RNF13: variants seen among roughly 807,000 people sequenced by gnomAD.
RNF13 encodes ring finger protein 13.
Under a neutral mutation model 37.7 loss-of-function variants are expected in RNF13, and 19 were observed. The observed-to-expected ratio is 0.50, with a 90% CI of 0.35 to 0.74. The LOEUF (loss-of-function observed/expected upper bound fraction) is 0.74. RNF13 is among the 30% of genes least tolerant of loss of function. The probability of loss-of-function intolerance (pLI) is 0.01; values close to 1 mark genes in which losing one functional copy is unlikely to be tolerated. For missense variants in RNF13, 375 were observed against 453.0 expected, an observed-to-expected ratio of 0.83 and a Z score of 1.56; for synonymous variants, 144 against 157.8, an observed-to-expected ratio of 0.91 and a Z score of 0.65.
chr3:149,939,869 C>T (rs1417890792), intron 8 of RNF13: 8 of 440,140 alleles, frequency 1.8e-5, no homozygotes, highest in Non-Finnish European at 3.4e-5. Context: ...AGAGAACAGC[C>T]GCGCAGGATG....
chr3:149,921,918 A>T (rs1352919262), intron 8 of RNF13, among the ~76,000 whole-genome samples: 2 of 152,108 alleles, frequency 1.3e-5, no homozygotes, highest in African/African-American at 4.8e-5. Context: ...ACCCACCAAC[A>T]GTGTAAAAGT....
At chr3:149,849,240 C>G (rs1023922166) in intron 2 of RNF13, among the ~76,000 whole-genome samples, 2 of 152,046 alleles carry the variant, frequency 1.3e-5, no homozygotes, top group Admixed American at 1.3e-4. Context: ...TGAGTAGTGC[C>G]CATGATTTTA....
At chr3:149,957,767 C>T (rs549634452) in intron 8 of RNF13, among the ~76,000 whole-genome samples, 7 of 152,254 alleles carry the variant, frequency 4.6e-5, no homozygotes, top group African/African-American at 1.7e-4. Flanking sequence ...AACCCTAATA[C>T]ATAATTATGT....
At chr3:149,891,716 G>A (rs1448400971) in intron 4 of RNF13, among the ~76,000 whole-genome samples, 1 of 152,106 alleles carries the variant, frequency 6.6e-6, no homozygotes, top group Non-Finnish European at 1.5e-5. Context: ...TTTGGTGGCT[G>A]TTTTGGATTT....
At chr3:149,911,168 C>A (rs918603793) in intron 6 of RNF13, among the ~76,000 whole-genome samples, 1 of 152,054 alleles carries the variant, frequency 6.6e-6, no homozygotes, top group Admixed American at 6.6e-5. Context: ...TCCATTGTAC[C>A]TGATACAACA....
chr3:149,858,659 A>T (rs542958151), intron 3 of RNF13, among the ~76,000 whole-genome samples: 1 of 152,280 alleles, frequency 6.6e-6, no homozygotes, highest in Non-Finnish European at 1.5e-5. Flanking sequence ...GTTGAAGAGG[A>T]AGAAGATAGA....
Position 149,877,111 on chromosome 3 carries a change from C to G in RNF13, c.321+4957C>G, listed in dbSNP as rs1344788779. On this transcript the variant is annotated intron_variant, in intron 4 of 9. Coordinates refer to ENST00000392894, the MANE Select transcript of RNF13 (RefSeq NM_183381.3). ...TTTTATATACTATTTAATCCCACAT[C>G]AGTCTCTGTTTCTCTCTGTGAGAGA... 3.9e-5 allele frequency among the ~76,000 whole-genome samples: 6 copies of G among 152,106 alleles called. No homozygotes were observed. In the East Asian group the frequency reaches 1.2e-3, roughly 29 times the overall value.
intron 8 of RNF13, among the ~76,000 whole-genome samples, chr3:149,943,803 CTTTT>C (rs939250677): frequency 1.3e-5 from 2 of 150,884 alleles, no homozygotes; most frequent in Non-Finnish European, 3.0e-5. Flanking sequence ...ATACTGTGTT[CTTTT>C]GTCTTTTTTT....
At chr3:149,949,741 T>C (rs909778620) in intron 8 of RNF13, among the ~76,000 whole-genome samples, 1 of 151,236 alleles carries the variant, frequency 6.6e-6, no homozygotes, top group African/African-American at 2.4e-5. Context: ...TTTTTTTTTT[T>C]CTTCTCTTCA....
intron 8 of RNF13, among the ~76,000 whole-genome samples, chr3:149,949,728 CTT>C (rs796954637): frequency 2.1e-5 from 3 of 142,916 alleles, no homozygotes; most frequent in Admixed American, 7.0e-5. Flanking sequence ...TTCCTTCATT[CTT>C]TTTTTTTTTT....
At chr3:149,912,222 A>G in intron 7 of RNF13, 139 bp downstream of exon 7, 1 of 518,742 alleles carries the variant, frequency 1.9e-6, no homozygotes, top group Non-Finnish European at 3.4e-6. Context: ...AGTTCTAGAA[A>G]AAACAAAGAT....
At chr3:149,958,860 T>G (rs1722113807) in intron 8 of RNF13, among the ~76,000 whole-genome samples, 1 of 152,228 alleles carries the variant, frequency 6.6e-6, no homozygotes, top group South Asian at 2.1e-4. Flanking sequence ...TTAGATACTA[T>G]AGTAACCAAA....
chr3:149,949,635 C>T (rs1244966297), intron 8 of RNF13, among the ~76,000 whole-genome samples: 1 of 151,760 alleles, frequency 6.6e-6, no homozygotes, highest in African/African-American at 2.4e-5. Context: ...CTACCCCTTT[C>T]TTTCTTCTCC....
Position 149,835,633 on chromosome 3 carries a change from T to TTGTGTGTG in RNF13, c.-16-10352_-16-10345dup, listed in dbSNP as rs3039646. ...ATTTTTATGGCTGCGTAGTATTCCA[T>TTGTGTGTG]TGTGTGTGTGTGTGTGTGTGTGTGT... On this transcript the variant is annotated intron_variant, in intron 1 of 9. Coordinates refer to ENST00000392894, the MANE Select transcript of RNF13 (RefSeq NM_183381.3). 6.7e-3 allele frequency among the ~76,000 whole-genome samples: 936 copies of TTGTGTGTG among 138,802 alleles called. 7 individuals carry two copies. Among genetic ancestry groups the TTGTGTGTG allele is most frequent in the African/African-American group, 0.019 (740 of 38,158 alleles). The allele number at this position is 138,802 out of a possible 152,430, so 91.1% of individuals were successfully genotyped here. A position where few individuals can be genotyped will look rare whatever the true frequency, so the allele number is the denominator to read the frequency against.
At chr3:149,956,689 CAA>C (rs1336813309) in intron 8 of RNF13, among the ~76,000 whole-genome samples, 9 of 152,298 alleles carry the variant, frequency 5.9e-5, no homozygotes, top group African/African-American at 2.2e-4. Flanking sequence ...ACATTCCAGA[CAA>C]AAGTGTGTCT....
intron 4 of RNF13, among the ~76,000 whole-genome samples, chr3:149,884,684 A>G (rs1276490297): frequency 1.3e-5 from 2 of 152,112 alleles, no homozygotes; most frequent in African/African-American, 4.8e-5. Context: ...CAAACATGTA[A>G]TGTATAATAA....
chr3:149,947,428 G>A (rs1360959023), intron 8 of RNF13, among the ~76,000 whole-genome samples: 6 of 150,716 alleles, frequency 4.0e-5, no homozygotes, highest in Admixed American at 1.3e-4. Context: ...TTTTAAAGGC[G>A]GAGTTTCGCT....
chr3:149,857,788 A>G (rs985207259), intron 3 of RNF13, among the ~76,000 whole-genome samples: 2 of 152,112 alleles, frequency 1.3e-5, no homozygotes, highest in Non-Finnish European at 2.9e-5. Flanking sequence ...GTATGACTCT[A>G]TTTTTACCTT....
intron 1 of RNF13, among the ~76,000 whole-genome samples, chr3:149,841,865 G>A (rs530769560): frequency 1.3e-5 from 2 of 152,226 alleles, no homozygotes; most frequent in East Asian, 3.9e-4. Context: ...CCTGACCTCA[G>A]GTGATCCACC....
Sources: allele counts gnomAD v4.1 joint callset (sites outside exome capture counted in the v4.1 genomes callset), GRCh38; gene constraint gnomAD v4.1.1; transcripts MANE v1.5; gene names NCBI Gene and HGNC (gene_info 2026-07-23, HGNC 2026-07-21).